Variants in ZFP36 observed in about 807,000 individuals in gnomAD.
The protein encoded by ZFP36 is ZFP36 zinc finger CCCH-type, also known as mRNA decay activator protein ZFP36.
In ZFP36, 13 loss-of-function variants were observed where a neutral mutation model predicts 19.8. The ratio of observed to expected loss-of-function variants is 0.66; its 90% CI spans 0.43 to 1.04. ZFP36 has a LOEUF of 1.04. Ranked by LOEUF, ZFP36 falls within the 50% of genes least tolerant of loss-of-function variation. The probability of loss-of-function intolerance (pLI) is 0.00; values close to 1 mark genes in which losing one functional copy is unlikely to be tolerated. For synonymous variants in ZFP36, 191 were observed against 194.5 expected (o/e 0.98, Z 0.15); for missense variants, 354 against 441.6 (o/e 0.80, Z 1.78).
chr19:39,406,975 C>T (rs762866708), intron 1 of ZFP36, 47 bp downstream of exon 1: 4 of 1,602,914 alleles, frequency 2.5e-6, no homozygotes, highest in Non-Finnish European at 3.4e-6. Flanking sequence ...TGCCTGAGTC[C>T]GAGTCCCCAC....
Position 39,409,329 on chromosome 19 carries a change from ATATT to A in ZFP36, c.*633_*636del. ...ATAATTATTATAAGTAGACTATAAT[ATATT>A]TAGTAATATATATTATTACCTTAAA... On this transcript the variant is annotated 3_prime_UTR_variant, in exon 2 of 2. Transcript: ENST00000597629. 1 of 152,110 alleles carries A rather than the reference ATATT, an allele frequency of 6.6e-6. No homozygotes were observed. The highest frequency in any genetic ancestry group is 1.9e-4 in the East Asian group (1 of 5,198). The allele number at this position is 152,110 out of a possible 1,614,324, so 9.4% of individuals were successfully genotyped here. A position where few individuals can be genotyped will look rare whatever the true frequency, so the allele number is the denominator to read the frequency against.
chr19:39,407,341 C>G lies in ZFP36; in HGVS notation c.25-402C>G, dbSNP rs17879142. On this transcript the variant is annotated intron_variant, in intron 1 of 1. Coordinates refer to ENST00000597629, the MANE Select transcript of ZFP36 (RefSeq NM_003407.5). The surrounding 1 kb of genome is among the most constrained non-coding windows in gnomAD (Gnocchi z 7.6). ...GACTTCTGTCTCTCCAGTCCCTGAC[C>G]GTAGAGACAGAGAACCCTAAAACCG... The G allele has an allele frequency of 7.0e-6, 3 of 431,346 alleles. No homozygotes were observed. The highest frequency in any genetic ancestry group is 1.2e-5 in the Non-Finnish European group (3 of 245,246). The allele number at this position is 431,346 out of a possible 1,614,324, so 26.7% of individuals were successfully genotyped here.
Position 39,407,781 on chromosome 19 carries a change from C to G in ZFP36, c.63C>G (p.Ser21=). The change falls in exon 2 of 2, where the codon TCC becomes TCG. Residue 21 remains serine (S), a synonymous_variant. Coordinates refer to ENST00000597629, the MANE Select transcript of ZFP36 (RefSeq NM_003407.5). This position sits in a 1 kb window ranked among gnomAD's most constrained non-coding sequence, Gnocchi z 7.6. ...TGAGCCCTGACGTGCCCGTGCCATC[C>G]GACCATGGAGGGACTGAGTCCAGCC... ...LSLSPDVPVP[S]DHGGTESSPG... 4 of 1,558,214 alleles carry G rather than the reference C, an allele frequency of 2.6e-6. No homozygotes were observed. The South Asian group carries it at 4.8e-5, about 19-fold the overall frequency.
At position 39,407,934 on chromosome 19, in the gene ZFP36, AC is replaced by A; in HGVS notation, c.221del (p.Pro74LeufsTer292). 6.3e-7 allele frequency: 1 copy of A among 1,594,074 alleles called. No homozygotes were observed. On this transcript the variant is annotated frameshift_variant, in exon 2 of 2. Coordinates refer to ENST00000597629, the MANE Select transcript of ZFP36 (RefSeq NM_003407.5). LOFTEE classifies it high-confidence loss of function. The surrounding 1 kb of genome is among the most constrained non-coding windows in gnomAD (Gnocchi z 7.6). The part of the protein sequence containing the change: ...EGRSCGWVPP[P>X]PGFAPLAPRL... ...GCCGCAGCTGTGGCTGGGTGCCCCCACCCCCTGGCTTCGCACCGCTGGCTCC... is the reference window on the plus strand; with the variant it reads ...GCCGCAGCTGTGGCTGGGTGCCCCCACCCCTGGCTTCGCACCGCTGGCTCC...
In ZFP36 at chr19:39,407,118, G is replaced by A; in HGVS notation, c.24+190G>A. The A allele has an allele frequency of 1.6e-6, 1 of 608,814 alleles. No individual in the cohort carries two copies. Among genetic ancestry groups the A allele is most frequent in the East Asian group, 3.3e-5 (1 of 30,098 alleles). 37.7% of individuals were successfully genotyped at this position (608,814 alleles called of 1,614,324 possible). On this transcript the variant is annotated intron_variant, in intron 1 of 1. Coordinates refer to ENST00000597629, the MANE Select transcript of ZFP36 (RefSeq NM_003407.5). The surrounding 1 kb of genome is among the most constrained non-coding windows in gnomAD (Gnocchi z 7.6). Reference sequence around the variant, plus strand: ...AGCTTGGTGATTTGGAGGTGAAAATGGAACCCGCGACACCCGGCTCTTCGC... The same window carrying A: ...AGCTTGGTGATTTGGAGGTGAAAATAGAACCCGCGACACCCGGCTCTTCGC...
chr19:39,407,860 T>TCTGGGGTCA lies in ZFP36; in HGVS notation c.144_152dup (p.Gly49_Thr51dup). 1 of 1,605,530 alleles carries TCTGGGGTCA rather than the reference T, an allele frequency of 6.2e-7. No homozygotes were observed. The highest frequency in any genetic ancestry group is 8.5e-7 in the Non-Finnish European group (1 of 1,179,240). ...CCTGAGCCCCTCCGACTCCAGCCCG[T>TCTGGGGTCA]CTGGGGTCACCTCCCGCCTGCCTGG... is the stretch of plus-strand genomic sequence containing the variant. On this transcript the variant is annotated inframe_insertion, in exon 2 of 2. Coordinates refer to ENST00000597629, the MANE Select transcript of ZFP36 (RefSeq NM_003407.5). This position sits in a 1 kb window ranked among gnomAD's most constrained non-coding sequence, Gnocchi z 7.6.
Position 39,408,876 on chromosome 19 carries a change from T to C in ZFP36, c.*177T>C. ...CCTCACGCTGGGGCAGGTCCCCAAG[T>C]GTGCAAGCTCAGTATTCATGATGGT... On this transcript the variant is annotated 3_prime_UTR_variant, in exon 2 of 2. Transcript: ENST00000597629. This position sits in a 1 kb window ranked among gnomAD's most constrained non-coding sequence, Gnocchi z 6.0. 3.6e-6 allele frequency: 2 copies of C among 554,956 alleles called. No homozygotes were observed. The highest frequency in any genetic ancestry group is 6.0e-6 in the Non-Finnish European group (2 of 333,378). The allele number at this position is 554,956 out of a possible 1,614,324, so 34.4% of individuals were successfully genotyped here.
At position 39,407,666 on chromosome 19, in the gene ZFP36, G is replaced by A; in HGVS notation, c.25-77G>A. On this transcript the variant is annotated intron_variant, in intron 1 of 1. Coordinates refer to ENST00000597629, the MANE Select transcript of ZFP36 (RefSeq NM_003407.5). The surrounding 1 kb of genome is among the most constrained non-coding windows in gnomAD (Gnocchi z 7.6). ...GGCGGGGAGCCCACAAACCGGCCTG[G>A]CAAGCTCTAGTTCCCTGCAGCTGGG... 1 of 1,370,054 alleles carries A rather than the reference G, an allele frequency of 7.3e-7. No homozygotes were observed. The highest frequency in any genetic ancestry group is 9.7e-7 in the Non-Finnish European group (1 of 1,027,568). The allele number at this position is 1,370,054 out of a possible 1,614,324, so 84.9% of individuals were successfully genotyped here.
Position 39,407,071 on chromosome 19 carries a change from G to A in ZFP36, c.24+143G>A, listed in dbSNP as rs2078481521. ...CTAGCGCCGCGCCCTCCAGCCTGGG[G>A]CCCCTGCCTCCCGCTCAGACCAGCT... On this transcript the variant is annotated intron_variant, in intron 1 of 1. Coordinates refer to ENST00000597629, the MANE Select transcript of ZFP36 (RefSeq NM_003407.5). This position sits in a 1 kb window ranked among gnomAD's most constrained non-coding sequence, Gnocchi z 7.6. 2 of 1,006,602 alleles carry A rather than the reference G, an allele frequency of 2.0e-6. No individual in the cohort carries two copies. The highest frequency in any genetic ancestry group is 6.3e-5 in the East Asian group (2 of 31,864). 62.4% of individuals were successfully genotyped at this position (1,006,602 alleles called of 1,614,324 possible).
Position 39,409,363 on chromosome 19 carries a change from T to C in ZFP36, c.*664T>C, listed in dbSNP as rs989965984. On this transcript the variant is annotated 3_prime_UTR_variant, in exon 2 of 2. Coordinates refer to ENST00000597629, the MANE Select transcript of ZFP36 (RefSeq NM_003407.5). The stretch of plus-strand genomic sequence containing the variant: ...AATATATATTATTACCTTAAAAGTC[T>C]ATTTTTGTGTTTTGGGCATTTTTAA... 6.6e-6 allele frequency: 1 copy of C among 152,290 alleles called. No individual in the cohort carries two copies. Among genetic ancestry groups the C allele is most frequent in the African/African-American group, 2.4e-5 (1 of 41,438 alleles). The allele number at this position is 152,290 out of a possible 1,614,324, so 9.4% of individuals were successfully genotyped here.
In ZFP36 at chr19:39,408,040, C is replaced by T. The variant is rs145304829; in HGVS notation, c.322C>T (p.Leu108=). The T allele has an allele frequency of 9.2e-5, 149 of 1,613,870 alleles. 1 individual carries two copies. The African/African-American group carries it at 1.7e-3, about 18-fold the overall frequency. ...STTPSRYKTE[L]CRTFSESGRC... is the part of the protein sequence containing the mutation. ...CACCCCCTCGCGCTACAAGACTGAG[C>T]TATGTCGGACCTTCTCAGAGAGTGG... The change falls in exon 2 of 2, where the codon CTA becomes TTA. Residue 108 remains leucine, a synonymous_variant. Coordinates refer to ENST00000597629, the MANE Select transcript of ZFP36 (RefSeq NM_003407.5). The surrounding 1 kb of genome is among the most constrained non-coding windows in gnomAD (Gnocchi z 6.0).
rs1047938215 is a variant in ZFP36 at position 39,406,936 on chromosome 19, C to G, written c.24+8C>G. The G allele has an allele frequency of 7.4e-6, 12 of 1,611,430 alleles. No individual in the cohort carries two copies. Among genetic ancestry groups the G allele is most frequent in the Non-Finnish European group, 9.3e-6 (11 of 1,179,306 alleles). On this transcript the variant is annotated splice_region_variant and intron_variant, in intron 1 of 1. Coordinates refer to ENST00000597629, the MANE Select transcript of ZFP36 (RefSeq NM_003407.5). The stretch of plus-strand genomic sequence containing the variant: ...CTGACTGCCATCTACGAGGTGAGTC[C>G]CCGCCGCACGGCATCCCCGGTACCT...
Position 39,408,298 on chromosome 19 carries a change from C to T in ZFP36, c.580C>T (p.Arg194Cys), listed in dbSNP as rs145224362. 12 of 1,613,238 alleles carry T rather than the reference C, an allele frequency of 7.4e-6. No individual in the cohort carries two copies. In the African/African-American group the frequency reaches 9.3e-5, roughly 13 times the overall value. The change falls in exon 2 of 2, where the codon CGC (arginine) becomes TGC (cysteine). Residue 194 changes from arginine (R) to cysteine (C), a missense_variant. Physicochemically the swap from Arg to Cys is radical, Grantham distance 180. Coordinates refer to ENST00000597629, the MANE Select transcript of ZFP36 (RefSeq NM_003407.5). This position sits in a 1 kb window ranked among gnomAD's most constrained non-coding sequence, Gnocchi z 6.0. ...CAGCTTCTCCGGCCTGCCCTCTGGC[C>T]GCCGGACCTCACCACCACCACCAGG... ...SISFSGLPSG[R>C]RTSPPPPGLA...
In ZFP36 at chr19:39,409,372, G is replaced by GT. The variant is rs2078493987; in HGVS notation, c.*677dup. ...TATTACCTTAAAAGTCTATTTTTGT[G>GT]TTTTGGGCATTTTTAAATAAACAAT... On this transcript the variant is annotated 3_prime_UTR_variant, in exon 2 of 2. Transcript: ENST00000597629. 6.6e-6 allele frequency: 1 copy of GT among 152,146 alleles called. No individual in the cohort carries two copies. The highest frequency in any genetic ancestry group is 2.1e-4 in the South Asian group (1 of 4,830). 9.4% of individuals were successfully genotyped at this position (152,146 alleles called of 1,614,324 possible). A position where few individuals can be genotyped will look rare whatever the true frequency, so the allele number is the denominator to read the frequency against.
At position 39,406,932 on chromosome 19, in the gene ZFP36, A is replaced by G; in HGVS notation, c.24+4A>G. On this transcript the variant is annotated splice_donor_region_variant and intron_variant, in intron 1 of 1. Transcript: ENST00000597629. ...GGATCTGACTGCCATCTACGAGGTG[A>G]GTCCCCGCCGCACGGCATCCCCGGT... The G allele has an allele frequency of 1.2e-6, 2 of 1,611,466 alleles. No homozygotes were observed. The highest frequency in any genetic ancestry group is 1.7e-6 in the Non-Finnish European group (2 of 1,179,304).
At position 39,408,658 on chromosome 19, in the gene ZFP36, C is replaced by A; in HGVS notation, c.940C>A (p.Arg314=). 1.3e-6 allele frequency: 2 copies of A among 1,580,630 alleles called. No individual in the cohort carries two copies. Among genetic ancestry groups the A allele is most frequent in the South Asian group, 1.2e-5 (1 of 85,796 alleles). The part of the protein sequence containing the change: ...FAPPQPVAAP[R]RLPIFNRISV... ...ACCACCCCAGCCCGTGGCAGCCCCC[C>A]GGCGACTCCCCATCTTCAATCGCAT... The change falls in exon 2 of 2, where the codon CGG becomes AGG. Residue 314 remains arginine, a synonymous_variant. Transcript: ENST00000597629. The surrounding 1 kb of genome is among the most constrained non-coding windows in gnomAD (Gnocchi z 6.0).
At position 39,408,376 on chromosome 19, in the gene ZFP36, C is replaced by G; in HGVS notation, c.658C>G (p.Pro220Ala). 6.2e-7 allele frequency: 1 copy of G among 1,613,808 alleles called. No individual in the cohort carries two copies. The highest frequency in any genetic ancestry group is 1.1e-5 in the South Asian group (1 of 91,080). ...CTCCTTCTCGCCCTCCAGCTCCCCA[C>G]CACCACCTGGGGACCTTCCACTGTC... ...SSSFSPSSSP[P>A]PPGDLPLSPS... The change falls in exon 2 of 2, where the codon CCA (proline) becomes GCA (alanine). Residue 220 changes from proline to alanine, a missense_variant. Coordinates refer to ENST00000597629, the MANE Select transcript of ZFP36 (RefSeq NM_003407.5). The surrounding 1 kb of genome is among the most constrained non-coding windows in gnomAD (Gnocchi z 6.0).
In ZFP36 at chr19:39,407,760, C is replaced by G; in HGVS notation, c.42C>G (p.Ser14Arg). The G allele has an allele frequency of 1.9e-6, 3 of 1,545,326 alleles. No homozygotes were observed. The highest frequency in any genetic ancestry group is 2.1e-5 in the Admixed American group (1 of 48,310). ...TTCCGCAGAGCCTCCTGTCGCTGAG[C>G]CCTGACGTGCCCGTGCCATCCGACC... ...TAIYESLLSL[S>R]PDVPVPSDHG... The change falls in exon 2 of 2, where the codon AGC (serine) becomes AGG (arginine). Residue 14 changes from serine to arginine, a missense_variant. Transcript: ENST00000597629. The surrounding 1 kb of genome is among the most constrained non-coding windows in gnomAD (Gnocchi z 7.6).
rs1483705719 is a variant in ZFP36 at position 39,408,171 on chromosome 19, C to T, written c.453C>T (p.Tyr151=). The part of the protein sequence containing the change: ...KYKTELCHKF[Y]LQGRCPYGSR... ...AGACGGAACTCTGTCACAAGTTCTA[C>T]CTCCAGGGCCGCTGCCCCTACGGCT... The change falls in exon 2 of 2, where the codon TAC becomes TAT. Residue 151 remains tyrosine, a synonymous_variant. Transcript: ENST00000597629. The surrounding 1 kb of genome is among the most constrained non-coding windows in gnomAD (Gnocchi z 6.0). 4 of 1,613,812 alleles carry T rather than the reference C, an allele frequency of 2.5e-6. No homozygotes were observed. The highest frequency in any genetic ancestry group is 2.5e-6 in the Non-Finnish European group (3 of 1,180,028).
Sources: allele counts gnomAD v4.1 joint callset, GRCh38; gene constraint gnomAD v4.1.1; non-coding constraint Gnocchi (gnomAD v3.1); transcripts MANE v1.5; gene names NCBI Gene and HGNC (gene_info 2026-07-23, HGNC 2026-07-21).